Variants in KBTBD3 observed in about 807,000 individuals in gnomAD.
KBTBD3 encodes the protein kelch repeat and BTB domain-containing protein 3.
In KBTBD3, 38 loss-of-function variants were observed where a neutral mutation model predicts 49.6. The ratio of observed to expected loss-of-function variants is 0.77; its 90% confidence interval spans 0.59 to 1.00. The LOEUF (loss-of-function observed/expected upper bound fraction) is 1.00. KBTBD3 is among the 50% of genes least tolerant of loss of function. KBTBD3 has a pLI of 0.00. For synonymous variants in KBTBD3, 214 were observed against 250.4 expected, an observed-to-expected ratio of 0.85 and a Z score of 1.37; for missense variants, 661 against 712.0, an observed-to-expected ratio of 0.93 and a Z score of 0.81.
In KBTBD3 at chr11:106,054,402, G is replaced by C. The variant is rs199538908; in HGVS notation, c.287C>G (p.Thr96Ser). Residue 96 changes from threonine (T) to serine (S), a missense_variant, in exon 4 of 4, where the codon ACT becomes AGT. Transcript: ENST00000531837. ...KERDDGSVTITNLSSKAVKAF... is the reference protein window; with the variant it reads ...KERDDGSVTISNLSSKAVKAF... ...TTTTACTGCCTTGGAGGACAAATTA[G>C]TAATGGTAACACTTCCATCATCTCT... 6.3e-7 allele frequency: 1 copy of C among 1,599,690 alleles called. No individual in the cohort carries two copies. Among genetic ancestry groups the C allele is most frequent in the Non-Finnish European group, 8.5e-7 (1 of 1,171,314 alleles).
In KBTBD3 at chr11:106,051,573, C is replaced by G. The variant is rs1404847170; in HGVS notation, c.*1277G>C. ...AACTACATTTGGTTCCAGAGAAGTA[C>G]AATCTACACATTACCTGAGATGTAA... On this transcript the variant is annotated 3_prime_UTR_variant, in exon 4 of 4. Coordinates refer to ENST00000531837, the MANE Select transcript of KBTBD3 (RefSeq NM_198439.3). The G allele has an allele frequency of 6.6e-6, 1 of 151,092 alleles. No homozygotes were observed. The highest frequency in any genetic ancestry group is 1.5e-5 in the Non-Finnish European group (1 of 67,548). The allele number at this position is 151,092 out of a possible 1,614,324, so 9.4% of individuals were successfully genotyped here.
At chr11:106,069,123 CT>C (rs113422820) in intron 2 of KBTBD3, among the ~76,000 whole-genome samples, 1 of 152,082 alleles carries the variant, frequency 6.6e-6, no homozygotes, top group African/African-American at 2.4e-5. Context: ...TATGGAATGC[CT>C]TCCCCCTAAG....
At chr11:106,065,199 G>A (rs1416232630) in intron 2 of KBTBD3, among the ~76,000 whole-genome samples, 1 of 152,120 alleles carries the variant, frequency 6.6e-6, no homozygotes, top group Non-Finnish European at 1.5e-5. Flanking sequence ...GTAGAGACGG[G>A]GTTTCACCAT....
At chr11:106,062,568 C>T (rs1860723429) in intron 2 of KBTBD3, among the ~76,000 whole-genome samples, 1 of 152,160 alleles carries the variant, frequency 6.6e-6, no homozygotes, top group African/African-American at 2.4e-5. Context: ...GATGTATGTC[C>T]CAACTCAAAT....
chr11:106,064,582 T>G (rs1371779219), intron 2 of KBTBD3, among the ~76,000 whole-genome samples: 1 of 97,484 alleles, frequency 1.0e-5, no homozygotes, highest in African/African-American at 3.1e-5. Context: ...AGCCAGGAAG[T>G]ATTTATACTA....
Position 106,054,095 on chromosome 11 carries a change from T to C in KBTBD3, c.594A>G (p.Leu198=). Residue 198 remains leucine, a synonymous_variant, in exon 4 of 4, where the codon CTA becomes CTG. Transcript: ENST00000531837. ...ATTCATCTGATTCCAGACATTTCTG[T>C]AGTACTCCAAAATTCATCTCTAAGA... ...SDFLEMNFGV[L]QKCLESDELN... 6.2e-7 allele frequency: 1 copy of C among 1,613,552 alleles called. No individual in the cohort carries two copies. The highest frequency in any genetic ancestry group is 8.5e-7 in the Non-Finnish European group (1 of 1,179,792).
chr11:106,051,889 G>A lies in KBTBD3; in HGVS notation c.*961C>T, dbSNP rs116322882. 1 of 151,788 alleles carries A rather than the reference G, an allele frequency of 6.6e-6. No homozygotes were observed. Among genetic ancestry groups the A allele is most frequent in the African/African-American group, 2.4e-5 (1 of 41,374 alleles). 9.4% of individuals were successfully genotyped at this position (151,788 alleles called of 1,614,324 possible). ...TACATCATCACAGAAAATTGATATG[G>A]TACTAATTTAAATCCTGAAATGTTT... On this transcript the variant is annotated 3_prime_UTR_variant, in exon 4 of 4. Coordinates refer to ENST00000531837, the MANE Select transcript of KBTBD3 (RefSeq NM_198439.3).
chr11:106,065,197 G>A (rs1188614506), intron 2 of KBTBD3, among the ~76,000 whole-genome samples: 1 of 152,092 alleles, frequency 6.6e-6, no homozygotes, highest in Non-Finnish European at 1.5e-5. Context: ...TAGTAGAGAC[G>A]GGGTTTCACC....
chr11:106,068,686 T>C (rs1475257409), intron 2 of KBTBD3, among the ~76,000 whole-genome samples: 3 of 151,992 alleles, frequency 2.0e-5, no homozygotes, highest in Non-Finnish European at 4.4e-5. Flanking sequence ...CCAACTAATT[T>C]TATGAAGTGA....
intron 2 of KBTBD3, among the ~76,000 whole-genome samples, chr11:106,072,449 A>G (rs1434355031): frequency 6.6e-6 from 1 of 152,146 alleles, no homozygotes; most frequent in African/African-American, 2.4e-5. Flanking sequence ...TTTTTTTCTT[A>G]GTAGTATATA....
At position 106,052,514 on chromosome 11, in the gene KBTBD3, T is replaced by C. The variant is rs1202869877; in HGVS notation, c.*336A>G. On this transcript the variant is annotated 3_prime_UTR_variant, in exon 4 of 4. Coordinates refer to ENST00000531837, the MANE Select transcript of KBTBD3 (RefSeq NM_198439.3). Reference sequence around the variant, plus strand: ...ATATAAGATACAGTGTAATTCATTTTTACTCTCTCTAGAGGTTTCTCCCAT... The same window carrying C: ...ATATAAGATACAGTGTAATTCATTTCTACTCTCTCTAGAGGTTTCTCCCAT... 1 of 184,666 alleles carries C rather than the reference T, an allele frequency of 5.4e-6. No homozygotes were observed. The highest frequency in any genetic ancestry group is 5.5e-5 in the Admixed American group (1 of 18,240). 11.4% of individuals were successfully genotyped at this position (184,666 alleles called of 1,614,324 possible).
intron 2 of KBTBD3, among the ~76,000 whole-genome samples, chr11:106,074,146 ACATT>A (rs1860984099): frequency 7.0e-6 from 1 of 143,404 alleles, no homozygotes; most frequent in South Asian, 2.4e-4. Flanking sequence ...TCCTTCTCAT[ACATT>A]AAGAGCTTCT....
intron 2 of KBTBD3, among the ~76,000 whole-genome samples, chr11:106,066,051 A>C (rs1796050635): frequency 6.6e-6 from 1 of 152,132 alleles, no homozygotes; most frequent in Non-Finnish European, 1.5e-5. Flanking sequence ...AGATGGGAGA[A>C]ACTTGTGCAT....
intron 3 of KBTBD3, among the ~76,000 whole-genome samples, chr11:106,055,900 C>T (rs1421794884): frequency 2.0e-5 from 3 of 152,118 alleles, no homozygotes; most frequent in Non-Finnish European, 2.9e-5. Context: ...TGAGAAGACA[C>T]GTGTAAGATT....
intron 2 of KBTBD3, among the ~76,000 whole-genome samples, chr11:106,065,447 T>A (rs777697558): frequency 2.6e-5 from 4 of 152,096 alleles, no homozygotes; most frequent in Non-Finnish European, 5.9e-5. Flanking sequence ...GGTATATGGT[T>A]GAGGAAGAAT....
intron 2 of KBTBD3, among the ~76,000 whole-genome samples, chr11:106,071,850 C>T (rs1331870522): frequency 2.0e-5 from 3 of 152,044 alleles, no homozygotes; most frequent in Non-Finnish European, 4.4e-5. Flanking sequence ...TTAAATGATA[C>T]AATGAATATT....
At chr11:106,054,555 T>C (rs924970815) in intron 3 of KBTBD3, 100 bp from the exon 4 acceptor site, 3 of 785,458 alleles carry the variant, frequency 3.8e-6, no homozygotes, top group Non-Finnish European at 5.3e-6. Flanking sequence ...GACTTAAATA[T>C]ATTTATAAAA....
rs112976676 is a variant in KBTBD3, at chr11:106,058,736, G to T, written c.233+129C>A. 414 of 671,184 alleles carry T rather than the reference G, an allele frequency of 6.2e-4. 2 individuals carry two copies. The African/African-American group carries it at 7.6e-3, about 12-fold the overall frequency. 41.6% of individuals were successfully genotyped at this position (671,184 alleles called of 1,614,324 possible). ...ACCGTGCCCAGCCTAATTAGGTTTT[G>T]TTTTTGTTTTTTTTTTTAGAATTAA... On this transcript the variant is annotated intron_variant, in intron 3 of 3. Coordinates refer to ENST00000531837, the MANE Select transcript of KBTBD3 (RefSeq NM_198439.3).
chr11:106,064,960 T>A (rs1450158833), intron 2 of KBTBD3, among the ~76,000 whole-genome samples: 1 of 152,206 alleles, frequency 6.6e-6, no homozygotes, highest in Admixed American at 6.5e-5. Context: ...ATAGGTTATC[T>A]CCTACAACCT....
Sources: allele counts gnomAD v4.1 joint callset (sites outside exome capture counted in the v4.1 genomes callset), GRCh38; gene constraint gnomAD v4.1.1; transcripts MANE v1.5; gene names NCBI Gene and HGNC (gene_info 2026-07-23, HGNC 2026-07-21).